Variants in UPF2 observed in about 807,000 individuals in gnomAD.
UPF2 encodes UPF2 regulator of nonsense mediated mRNA decay, also known as regulator of nonsense transcripts 2.
A neutral mutation model predicts 141.4 loss-of-function variants in UPF2; 17 were observed. The ratio of observed to expected loss-of-function variants is 0.12; its 90% CI spans 0.08 to 0.18. The LOEUF (loss-of-function observed/expected upper bound fraction) is 0.18, where lower values mean the gene tolerates loss of function less well. UPF2 is among the 10% of genes least tolerant of loss of function. The pLI is 1.00. For missense variants in UPF2, 1,152 were observed against 1,515.9 expected (o/e 0.76, Z 3.99); for synonymous variants, 540 against 498.0 (o/e 1.08, Z -1.12).
intron 4 of UPF2, among the ~76,000 whole-genome samples, chr10:12,006,589 C>T (rs971756569): frequency 6.6e-6 from 1 of 152,068 alleles, no homozygotes; most frequent in Non-Finnish European, 1.5e-5. Context: ...TAAACCCATA[C>T]ACCAAAAAGA....
In UPF2 at chr10:11,931,728, G is replaced by C; in HGVS notation, c.3601C>G (p.Gln1201Glu). ...SSQLAANHWN[Q>E]QQAEQEERMR... ...CTCTCTTCTTGTTCTGCCTGTTGCT[G>C]GTTCCAGTGATTTGCAGCAAGTTGA... The change falls in exon 20 of 22, where the codon CAG becomes GAG. Residue 1201 changes from glutamine (Q) to glutamate (E), a missense_variant. By Grantham distance (29) the Gln-to-Glu change is conservative (BLOSUM62 2). Transcript: ENST00000357604. This position sits in a 1 kb window ranked among gnomAD's most constrained non-coding sequence, Gnocchi z 5.9. 6.2e-7 allele frequency: 1 copy of C among 1,613,614 alleles called. No homozygotes were observed. Among genetic ancestry groups the C allele is most frequent in the Non-Finnish European group, 8.5e-7 (1 of 1,179,952 alleles).
intron 3 of UPF2, among the ~76,000 whole-genome samples, chr10:12,026,087 C>A (rs1834414751): frequency 6.6e-6 from 1 of 152,138 alleles, no homozygotes; most frequent in Non-Finnish European, 1.5e-5. Context: ...AGCCACCGCA[C>A]CCTGCCAGTA....
chr10:11,990,617 T>C (rs1173937405), intron 8 of UPF2, among the ~76,000 whole-genome samples: 1 of 148,624 alleles, frequency 6.7e-6, no homozygotes, highest in East Asian at 2.0e-4. Context: ...GAGGCGGAGC[T>C]TGCAGTGAGC....
chr10:11,959,463 G>A lies in UPF2; in HGVS notation c.2185-107C>T, dbSNP rs910746271. ...TTTGCTATTTCAAAGTAATGGGTTA[G>A]AAAGGCAAAGAAAGGACTGGGCACT... On this transcript the variant is annotated intron_variant, in intron 11 of 21. Coordinates refer to ENST00000357604, the MANE Select transcript of UPF2 (RefSeq NM_015542.4). The surrounding 1 kb of genome is among the most constrained non-coding windows in gnomAD (Gnocchi z 5.9). The A allele has an allele frequency of 8.6e-7, 1 of 1,168,712 alleles. No individual in the cohort carries two copies. Among genetic ancestry groups the A allele is most frequent in the African/African-American group, 1.6e-5 (1 of 64,036 alleles). 72.4% of individuals were successfully genotyped at this position (1,168,712 alleles called of 1,614,324 possible).
rs1321484135 is a variant in UPF2 at position 12,029,138 on chromosome 10, C to T, written c.752G>A (p.Arg251Lys). The change falls in exon 3 of 22, where the codon AGG becomes AAG. Residue 251 changes from arginine to lysine, a missense_variant. Physicochemically the swap from Arg to Lys is conservative, Grantham distance 26 (BLOSUM62 2). This residue lies in a region of UPF2 where 739 missense variants were observed against 1,032.2 expected (regional missense o/e 0.72). Coordinates refer to ENST00000357604, the MANE Select transcript of UPF2 (RefSeq NM_015542.4). ...GATGTTAGGTGTTTTCTCCTCTTTC[C>T]TTGCTTCAAAATGTTTTTTCCAGAC... Reference protein sequence around the residue: ...LQVWKKHFEARKEEKTPNITK... With the variant: ...LQVWKKHFEAKKEEKTPNITK... 6.2e-7 allele frequency: 1 copy of T among 1,614,188 alleles called. No individual in the cohort carries two copies.
At chr10:11,982,971 T>C (rs933875425) in intron 8 of UPF2, among the ~76,000 whole-genome samples, 2 of 152,208 alleles carry the variant, frequency 1.3e-5, no homozygotes, top group South Asian at 2.1e-4. Context: ...TAGTAAATAA[T>C]TGATTTGTTA....
chr10:12,039,008 C>T (rs955562710), intron 1 of UPF2, among the ~76,000 whole-genome samples: 3 of 152,048 alleles, frequency 2.0e-5, no homozygotes, highest in South Asian at 2.1e-4. Flanking sequence ...GATTCTTATA[C>T]ATTTTCAATT....
chr10:11,929,156 A>G (rs10430780), intron 21 of UPF2, among the ~76,000 whole-genome samples: 35,940 of 152,080 alleles, frequency 0.24, 4,521 homozygotes, highest in East Asian at 0.47. Flanking sequence ...CAAAAAATAA[A>G]TAAGTAAGAG....
At chr10:11,981,975 C>A (rs1343217957) in intron 8 of UPF2, among the ~76,000 whole-genome samples, 1 of 151,974 alleles carries the variant, frequency 6.6e-6, no homozygotes, top group South Asian at 2.1e-4. Context: ...TGCGCCACTG[C>A]GCCCAGCCCC....
At chr10:12,001,974 A>G in intron 5 of UPF2, 149 bp from the exon 6 acceptor site, 2 of 740,194 alleles carry the variant, frequency 2.7e-6, no homozygotes, top group East Asian at 6.1e-5. Flanking sequence ...AGATTTTATA[A>G]AACACATTAT....
chr10:12,022,812 C>T (rs1012453947), intron 3 of UPF2, among the ~76,000 whole-genome samples: 2 of 152,132 alleles, frequency 1.3e-5, no homozygotes, highest in Non-Finnish European at 2.9e-5. Flanking sequence ...GTTTCAATAT[C>T]AGTCAATAAT....
At chr10:12,023,510 T>TAAAA (rs762703531) in intron 3 of UPF2, among the ~76,000 whole-genome samples, 5 of 117,270 alleles carry the variant, frequency 4.3e-5, no homozygotes, top group Non-Finnish European at 7.0e-5. Context: ...CTGTCTCTAC[T>TAAAA]AAAAAAAAAA....
chr10:12,006,463 T>C (rs1337864824), intron 4 of UPF2, among the ~76,000 whole-genome samples: 1 of 152,198 alleles, frequency 6.6e-6, no homozygotes, highest in African/African-American at 2.4e-5. Flanking sequence ...AGTTAGATTA[T>C]TCATTAAATG....
At chr10:11,991,052 G>A (rs571365548) in intron 8 of UPF2, among the ~76,000 whole-genome samples, 1 of 150,446 alleles carries the variant, frequency 6.6e-6, no homozygotes, top group Admixed American at 6.6e-5. Context: ...CTCATGATAC[G>A]TAATAAAAAG....
rs34710162 is a variant in UPF2, at chr10:11,962,403, A to G, written c.2184+1606T>C. ...GCACCATCATCTGCTCAGATGCCCA[A>G]GGCAGAATTTTAGTCTTATCTTAGG... On this transcript the variant is annotated intron_variant, in intron 11 of 21. Coordinates refer to ENST00000357604, the MANE Select transcript of UPF2 (RefSeq NM_015542.4). Among the ~76,000 whole-genome samples the G allele has an allele frequency of 6.0e-3, 916 of 152,236 alleles. 4 individuals carry two copies. Among genetic ancestry groups the G allele is most frequent in the Middle Eastern group, 0.017 (5 of 294 alleles).
At chr10:11,987,583 C>T (rs1435183285) in intron 8 of UPF2, among the ~76,000 whole-genome samples, 1 of 151,410 alleles carries the variant, frequency 6.6e-6, no homozygotes, top group African/African-American at 2.4e-5. Context: ...CATCATGAAA[C>T]CCCGTCTCTA....
intron 10 of UPF2, among the ~76,000 whole-genome samples, chr10:11,966,643 C>T (rs560042122): frequency 2.0e-5 from 3 of 152,286 alleles, no homozygotes; most frequent in Admixed American, 6.5e-5. Context: ...AGGCTGGTCT[C>T]GAACTCCCGA....
At chr10:11,964,878 C>G (rs540799761) in intron 10 of UPF2, among the ~76,000 whole-genome samples, 3 of 152,266 alleles carry the variant, frequency 2.0e-5, no homozygotes, top group African/African-American at 7.2e-5. Flanking sequence ...TATAATGAGA[C>G]AGCCTGAGGA....
chr10:11,964,370 T>G (rs1588539982), intron 10 of UPF2, among the ~76,000 whole-genome samples: 1 of 152,362 alleles, frequency 6.6e-6, no homozygotes, highest in East Asian at 1.9e-4. Context: ...TCTATATTTA[T>G]TGTTAGATGT....
Sources: gnomAD v4.1 joint callset for allele counts (sites outside exome capture counted in the v4.1 genomes callset) on GRCh38, gnomAD v4.1.1 for gene constraint, gnomAD v4.1.1 regional missense constraint, Gnocchi (gnomAD v3.1) non-coding constraint, MANE v1.5 for transcripts, NCBI Gene and HGNC (gene_info 2026-07-23, HGNC 2026-07-21) for gene names.